Variants in METTL22 observed in about 807,000 individuals in gnomAD.
METTL22 encodes methyltransferase-like protein 22.
Under a neutral mutation model 48.4 loss-of-function variants are expected in METTL22, and 51 were observed. That is an observed-to-expected ratio of 1.05 (90% CI 0.84 to 1.33). The LOEUF (loss-of-function observed/expected upper bound fraction) is 1.33, where lower values mean the gene tolerates loss of function less well. METTL22 is among the 40% of genes most tolerant of loss of function. The probability of loss-of-function intolerance (pLI) is 0.00; values close to 1 mark genes in which losing one functional copy is unlikely to be tolerated. For missense variants in METTL22, 678 were observed against 526.9 expected (o/e 1.29, Z -2.81); for synonymous variants, 255 against 214.1 (o/e 1.19, Z -1.67).
the METTL22 span, among the ~76,000 whole-genome samples, chr16:8,663,515 G>C: frequency 6.6e-6 from 1 of 152,052 alleles, no homozygotes; most frequent in East Asian, 1.9e-4. Context: ...GGTCACCTGG[G>C]GAAGAGTTCA....
chr16:8,655,888 A>T, the METTL22 span, among the ~76,000 whole-genome samples: 3 of 152,218 alleles, frequency 2.0e-5, no homozygotes, highest in Non-Finnish European at 2.9e-5. Flanking sequence ...CAGGAAGAGG[A>T]GAGGGCTGAG....
the METTL22 span, among the ~76,000 whole-genome samples, chr16:8,658,067 T>G: frequency 6.6e-6 from 1 of 152,192 alleles, no homozygotes; most frequent in African/African-American, 2.4e-5. Context: ...TCCTCCCACC[T>G]TGGCCTCCCA....
At chr16:8,653,056 C>CG (rs2056921771), downstream of METTL22, among the ~76,000 whole-genome samples, 2 of 152,264 alleles carry the variant, frequency 1.3e-5, no homozygotes, top group South Asian at 4.1e-4. Flanking sequence ...ATGCATGCGC[C>CG]GGGCAAACGG....
chr16:8,659,728 G>A, the METTL22 span, among the ~76,000 whole-genome samples: 2 of 136,228 alleles, frequency 1.5e-5, no homozygotes, highest in Admixed American at 7.2e-5. Flanking sequence ...CAAGGACTTC[G>A]CTTTTTTTTT....
chr16:8,654,257 T>C (rs1370059450), downstream of METTL22, among the ~76,000 whole-genome samples: 2 of 152,208 alleles, frequency 1.3e-5, no homozygotes, highest in African/African-American at 4.8e-5. Context: ...CCTGAGAAGT[T>C]TGGCTTTATA....
In METTL22 at chr16:8,642,223, C is replaced by T; in HGVS notation, c.907+16C>T. 1 of 1,596,772 alleles carries T rather than the reference C, an allele frequency of 6.3e-7. No homozygotes were observed. The highest frequency in any genetic ancestry group is 8.6e-7 in the Non-Finnish European group (1 of 1,164,244). ...GCAGCCGAAGGTAAGAAAATTTCTC[C>T]TTCGCCGTACACGTCCTTTGTTGTA... On this transcript the variant is annotated intron_variant, in intron 8 of 10. Transcript: ENST00000381920.
intron 2 of METTL22, among the ~76,000 whole-genome samples, chr16:8,627,425 C>G (rs1405088406): frequency 1.3e-5 from 2 of 152,136 alleles, no homozygotes; most frequent in Non-Finnish European, 2.9e-5. Context: ...CTGCTTTCCT[C>G]CCCTCCTGGC....
Position 8,629,626 on chromosome 16 carries a change from G to A in METTL22, c.514+516G>A, listed in dbSNP as rs76176683. Among the ~76,000 whole-genome samples the A allele has an allele frequency of 4.1e-3, 624 of 152,292 alleles. 5 individuals are homozygous for A. Among genetic ancestry groups the A allele is most frequent in the African/African-American group, 0.014 (596 of 41,564 alleles). On this transcript the variant is annotated intron_variant, in intron 3 of 10. Coordinates refer to ENST00000381920, the MANE Select transcript of METTL22 (RefSeq NM_024109.4). ...ATGGACTGGGAGCTGGGAGCTAGAA[G>A]CCAGGTAAGAAAGGGGAGTGATGAA...
rs1041599338 is a variant in METTL22 at position 8,649,245 on chromosome 16, A to G, written c.*3102A>G. 6.6e-6 allele frequency: 1 copy of G among 152,108 alleles called. No homozygotes were observed. The highest frequency in any genetic ancestry group is 2.4e-5 in the African/African-American group (1 of 41,418). 9.4% of individuals were successfully genotyped at this position (152,108 alleles called of 1,614,324 possible). A position where few individuals can be genotyped will look rare whatever the true frequency, so the allele number is the denominator to read the frequency against. On this transcript the variant is annotated 3_prime_UTR_variant, in exon 11 of 11. Coordinates refer to ENST00000381920, the MANE Select transcript of METTL22 (RefSeq NM_024109.4). The stretch of plus-strand genomic sequence containing the variant: ...CCTGGAATTAATCTTGATCCACTGT[A>G]ATTCAAAGTATCGTCAGATTTTCAT...
the METTL22 span, among the ~76,000 whole-genome samples, chr16:8,658,534 C>CT: frequency 6.6e-6 from 1 of 152,200 alleles, no homozygotes; most frequent in African/African-American, 2.4e-5. Flanking sequence ...AGCCCGGTTG[C>CT]TCCTCGGCTC....
At position 8,642,521 on chromosome 16, in the gene METTL22, C is replaced by T. The variant is rs779104245; in HGVS notation, c.966C>T (p.His322=). ...AVFKTLSRLA[H]RLKNACTAIL... ...TTAAAACGCTCTCCCGACTCGCCCA[C>T]AGATTGAAAAATGCCTGCACAGCCA... The change falls in exon 9 of 11, where the codon CAC becomes CAT. Residue 322 remains histidine, a synonymous_variant. Coordinates refer to ENST00000381920, the MANE Select transcript of METTL22 (RefSeq NM_024109.4). 2.5e-6 allele frequency: 4 copies of T among 1,614,220 alleles called. No homozygotes were observed. The highest frequency in any genetic ancestry group is 3.4e-6 in the Non-Finnish European group (4 of 1,180,050).
At chr16:8,652,207 C>G (rs191225053), downstream of METTL22, among the ~76,000 whole-genome samples, 294 of 152,076 alleles carry the variant, frequency 1.9e-3, 2 homozygotes, top group African/African-American at 6.7e-3. Flanking sequence ...GCCTGTTATC[C>G]CAGCACTTTG....
At chr16:8,634,212 A>G (rs2056353916) in intron 3 of METTL22, among the ~76,000 whole-genome samples, 2 of 152,246 alleles carry the variant, frequency 1.3e-5, no homozygotes, top group Admixed American at 6.5e-5. Flanking sequence ...CTCAGAGAAC[A>G]GTGGCCCAGG....
intron 5 of METTL22, among the ~76,000 whole-genome samples, chr16:8,638,319 C>T (rs1449969469): frequency 6.6e-6 from 1 of 152,098 alleles, no homozygotes; most frequent in African/African-American, 2.4e-5. Flanking sequence ...ACTGTGGGTC[C>T]ACGCCCACAG....
the METTL22 span, among the ~76,000 whole-genome samples, chr16:8,663,322 G>T: frequency 6.6e-6 from 1 of 151,624 alleles, no homozygotes; most frequent in Non-Finnish European, 1.5e-5. Context: ...AATTCCCCAA[G>T]TAGGCGTCCT....
intron 2 of METTL22, among the ~76,000 whole-genome samples, chr16:8,627,684 T>G (rs567791810): frequency 6.6e-6 from 1 of 152,264 alleles, no homozygotes; most frequent in South Asian, 2.1e-4. Context: ...TTACAGCTGT[T>G]TTTGTGCTAT....
the METTL22 span, among the ~76,000 whole-genome samples, chr16:8,660,859 A>AG: frequency 6.4e-4 from 1 of 1,564 alleles, no homozygotes; most frequent in African/African-American, 1.5e-3. Flanking sequence ...GGGAGGAGGA[A>AG]GAGGAGGAGG....
At chr16:8,663,446 G>C in the METTL22 span, among the ~76,000 whole-genome samples, 1 of 151,968 alleles carries the variant, frequency 6.6e-6, no homozygotes, top group Non-Finnish European at 1.5e-5. Context: ...TCAAGCTCTC[G>C]AGTGCACCGT....
At chr16:8,635,736 A>G (rs780930628) in intron 5 of METTL22, among the ~76,000 whole-genome samples, 4 of 152,254 alleles carry the variant, frequency 2.6e-5, no homozygotes, top group African/African-American at 4.8e-5. Flanking sequence ...AAAATTACTC[A>G]TAATTTTACA....
Sources: gnomAD v4.1 joint callset for allele counts (sites outside exome capture counted in the v4.1 genomes callset) on GRCh38, gnomAD v4.1.1 for gene constraint, MANE v1.5 for transcripts, NCBI Gene and HGNC (gene_info 2026-07-23, HGNC 2026-07-21) for gene names.